The following COL28A1 variants were observed in gnomAD, a reference collection of about 807,000 sequenced individuals.
COL28A1 encodes collagen type XXVIII alpha 1 chain.
In COL28A1, 161 loss-of-function variants were observed where a neutral mutation model predicts 150.2. The observed-to-expected ratio is 1.07, with a 90% CI of 0.94 to 1.22. The LOEUF is 1.22. COL28A1 is among the 50% of genes most tolerant of loss of function. COL28A1 has a pLI of 0.00. For missense variants in COL28A1, 1,617 were observed against 1,388.3 expected (o/e 1.16, Z -2.62); for synonymous variants, 552 against 469.7 (o/e 1.18, Z -2.26).
At chr7:7,367,464 A>G (rs1780994863) in intron 33 of COL28A1, among the ~76,000 whole-genome samples, 1 of 152,156 alleles carries the variant, frequency 6.6e-6, no homozygotes, top group Non-Finnish European at 1.5e-5. Context: ...AAGCCTAGAG[A>G]CAAGAGGCAC....
chr7:7,494,035 G>C (rs1016979284), intron 11 of COL28A1, among the ~76,000 whole-genome samples: 3 of 152,136 alleles, frequency 2.0e-5, no homozygotes, highest in Non-Finnish European at 4.4e-5. Flanking sequence ...ACCTCCATGT[G>C]AGTGTGAATG....
the COL28A1 span, among the ~76,000 whole-genome samples, chr7:7,346,886 TAAA>T: frequency 3.4e-4 from 51 of 152,226 alleles, 2 homozygotes; most frequent in South Asian, 7.3e-3. Context: ...ACATTCCACT[TAAA>T]AATTATTTGC....
intron 15 of COL28A1, among the ~76,000 whole-genome samples, chr7:7,459,592 C>T (rs1787445330): frequency 6.6e-6 from 1 of 152,216 alleles, no homozygotes. Flanking sequence ...TTATATCCTT[C>T]CCCCTCTGGC....
At chr7:7,489,592 T>C in intron 12 of COL28A1, 135 bp from the exon 13 acceptor site, 2 of 638,612 alleles carry the variant, frequency 3.1e-6, no homozygotes, top group Non-Finnish European at 5.6e-6. Flanking sequence ...AGGTAAAAAA[T>C]TCTAGAGGAA....
chr7:7,510,348 G>A (rs1253552556), intron 9 of COL28A1, among the ~76,000 whole-genome samples: 2 of 152,110 alleles, frequency 1.3e-5, no homozygotes, highest in Admixed American at 6.5e-5. Flanking sequence ...GCAGTGGCAC[G>A]ATCTTGGCTC....
chr7:7,435,892 T>G (rs58681001), intron 23 of COL28A1, among the ~76,000 whole-genome samples: 28,561 of 152,178 alleles, frequency 0.19, 3,103 homozygotes, highest in African/African-American at 0.3. Context: ...GCTGTGGTGC[T>G]GGGTATAGTG....
intron 1 of COL28A1, among the ~76,000 whole-genome samples, chr7:7,535,277 G>C (rs1262817801): frequency 6.6e-6 from 1 of 151,992 alleles, no homozygotes; most frequent in Non-Finnish European, 1.5e-5. Flanking sequence ...ATAAATCCAA[G>C]ATACTTTATT....
In COL28A1 at chr7:7,512,395, A is replaced by T. The variant is rs964427872; in HGVS notation, c.883-1260T>A. Among the ~76,000 whole-genome samples, 8 of 152,236 alleles carry T rather than the reference A, an allele frequency of 5.3e-5. No homozygotes were observed. The South Asian group carries it at 1.7e-3, about 31-fold the overall frequency. ...AAAACTGATCATTATGTGAAGTGAT[A>T]TATATGTTAATTAGCTCAATTTAGC... is the stretch of plus-strand genomic sequence containing the variant. On this transcript the variant is annotated intron_variant, in intron 8 of 34. Coordinates refer to ENST00000399429, the MANE Select transcript of COL28A1 (RefSeq NM_001037763.3).
chr7:7,529,145 C>A (rs371078614), intron 3 of COL28A1, among the ~76,000 whole-genome samples: 1 of 151,722 alleles, frequency 6.6e-6, no homozygotes, highest in Non-Finnish European at 1.5e-5. Context: ...AAAAATGAGC[C>A]GGGCATGGTG....
chr7:7,393,569 C>G (rs988206364), intron 27 of COL28A1, among the ~76,000 whole-genome samples: 10 of 152,048 alleles, frequency 6.6e-5, no homozygotes, highest in Non-Finnish European at 1.3e-4. Context: ...CCCCTTCCCC[C>G]AGGTGCTCTG....
Position 7,490,653 on chromosome 7 carries a change from GAAGA to G in COL28A1, c.1027-11_1027-8del. 1 of 1,151,712 alleles carries G rather than the reference GAAGA, an allele frequency of 8.7e-7. No individual in the cohort carries two copies. Among genetic ancestry groups the G allele is most frequent in the Non-Finnish European group, 1.3e-6 (1 of 759,384 alleles). The allele number at this position is 1,151,712 out of a possible 1,614,324, so 71.3% of individuals were successfully genotyped here. ...CAGGAGGACCTGGCTCACCCTGGAG[GAAGA>G]AATAGTGACATCAGTTATATGTTAG... is the stretch of plus-strand genomic sequence containing the variant. On this transcript the variant is annotated splice_region_variant and splice_polypyrimidine_tract_variant and intron_variant, in intron 11 of 34. Transcript: ENST00000399429.
chr7:7,437,535 C>G, intron 21 of COL28A1, 73 bp from the exon 22 acceptor site: 7 of 1,523,802 alleles, frequency 4.6e-6, no homozygotes, highest in Non-Finnish European at 6.2e-6. Flanking sequence ...AAGAAAAGTA[C>G]AGAAATGTCT....
intron 25 of COL28A1, among the ~76,000 whole-genome samples, chr7:7,430,347 A>T (rs1784893780): frequency 6.6e-6 from 1 of 152,008 alleles, no homozygotes; most frequent in South Asian, 2.1e-4. Flanking sequence ...GGCTGGTCTC[A>T]AACTCCTGAC....
At chr7:7,431,249 C>T in intron 25 of COL28A1, 1 of 181,778 alleles carries the variant, frequency 5.5e-6, no homozygotes, top group Non-Finnish European at 1.2e-5. Flanking sequence ...TATTCATTTT[C>T]CATTCATTCA....
At chr7:7,542,905 G>C in the COL28A1 span, among the ~76,000 whole-genome samples, 1 of 152,138 alleles carries the variant, frequency 6.6e-6, no homozygotes, top group Non-Finnish European at 1.5e-5. Flanking sequence ...GAATCAAAGA[G>C]CTTAGTACCT....
chr7:7,492,468 C>T (rs1035769131), intron 11 of COL28A1, among the ~76,000 whole-genome samples: 6 of 151,014 alleles, frequency 4.0e-5, no homozygotes, highest in Middle Eastern at 3.2e-3. Context: ...GCCTATAGTC[C>T]CAGCTACTCG....
Position 7,456,043 on chromosome 7 carries a change from C to G in COL28A1, c.1371+1G>C. On this transcript the variant is annotated splice_donor_variant, in intron 16 of 34. Transcript: ENST00000399429. LOFTEE classifies it high-confidence loss of function. ...AGGGAAAGGAAGAATGCATTAATTA[C>G]CTGTTCCCCTTGACTCCCGATTCCA... 6.2e-7 allele frequency: 1 copy of G among 1,613,856 alleles called. No homozygotes were observed. The highest frequency in any genetic ancestry group is 1.1e-5 in the South Asian group (1 of 91,052).
chr7:7,438,717 T>C (rs17167737), intron 21 of COL28A1, among the ~76,000 whole-genome samples: 8,674 of 152,218 alleles, frequency 0.057, 851 homozygotes, highest in African/African-American at 0.2. Context: ...GAAATTACAA[T>C]TAAAAAATTA....
intron 11 of COL28A1, among the ~76,000 whole-genome samples, chr7:7,500,615 T>C (rs895065562): frequency 1.3e-5 from 2 of 152,154 alleles, no homozygotes; most frequent in Admixed American, 1.3e-4. Context: ...ATTCCTAATA[T>C]CATATCTGAA....
Sources: gnomAD v4.1 joint callset for allele counts (sites outside exome capture counted in the v4.1 genomes callset) on GRCh38, gnomAD v4.1.1 for gene constraint, MANE v1.5 for transcripts, NCBI Gene and HGNC (gene_info 2026-07-23, HGNC 2026-07-21) for gene names.